Variants in UGT2B7 observed in about 807,000 individuals in gnomAD.
UGT2B7 encodes UDP glucuronosyltransferase family 2 member B7.
Under a neutral mutation model 51.9 loss-of-function variants are expected in UGT2B7, and 51 were observed. That is an observed-to-expected ratio of 0.98 (90% CI 0.78 to 1.24). The LOEUF is 1.24. UGT2B7 is among the 50% of genes most tolerant of loss of function. The probability of loss-of-function intolerance (pLI) is 0.00; values close to 1 mark genes in which losing one functional copy is unlikely to be tolerated. For missense variants in UGT2B7, 727 were observed against 628.4 expected, an observed-to-expected ratio of 1.16 and a Z score of -1.68; for synonymous variants, 225 against 211.6, an observed-to-expected ratio of 1.06 and a Z score of -0.55.
chr4:69,106,075 T>C (rs906639103), intron 3 of UGT2B7, among the ~76,000 whole-genome samples: 3 of 152,160 alleles, frequency 2.0e-5, no homozygotes, highest in Admixed American at 6.6e-5. Flanking sequence ...AGAATATTTT[T>C]AATTTTAAAA....
At chr4:69,110,195 G>A (rs1396211661) in intron 5 of UGT2B7, among the ~76,000 whole-genome samples, 2 of 151,972 alleles carry the variant, frequency 1.3e-5, no homozygotes, top group Non-Finnish European at 2.9e-5. Flanking sequence ...TCAACTTGAA[G>A]ACACATTTTC....
intron 1 of UGT2B7, among the ~76,000 whole-genome samples, chr4:69,054,648 A>G (rs1010140539): frequency 9.9e-5 from 15 of 152,004 alleles, no homozygotes; most frequent in Non-Finnish European, 1.9e-4. Flanking sequence ...ATCCTTAACC[A>G]TCAGTAGACT....
At chr4:69,102,194 A>C (rs948887303) in intron 2 of UGT2B7, among the ~76,000 whole-genome samples, 1 of 151,920 alleles carries the variant, frequency 6.6e-6, no homozygotes, top group African/African-American at 2.4e-5. Context: ...TATTTATTTT[A>C]TTTTTTTTAG....
In UGT2B7 at chr4:69,096,510, A is replaced by T; in HGVS notation, c.-11A>T. 1 of 1,613,574 alleles carries T rather than the reference A, an allele frequency of 6.2e-7. No homozygotes were observed. Among genetic ancestry groups the T allele is most frequent in the Non-Finnish European group, 8.5e-7 (1 of 1,179,718 alleles). ...ACAGCAACTGGAAAACAAGCATTGC[A>T]TTGCACCAGGATGTCTGTGAAATGG... On this transcript the variant is annotated 5_prime_UTR_variant, in exon 1 of 6. Transcript: ENST00000305231.
chr4:69,064,078 AAGAAAGAAAGAAAGAAAG>A (rs1560499690), intron 1 of UGT2B7, among the ~76,000 whole-genome samples: 3 of 106,058 alleles, frequency 2.8e-5, no homozygotes, highest in Non-Finnish European at 5.3e-5. Context: ...GAAAGAAAGA[AAGAAAGAAAGAAAGAAAG>A]AGAAAGAAAG....
intron 1 of UGT2B7, among the ~76,000 whole-genome samples, chr4:69,079,944 G>T (rs1346723512): frequency 6.6e-6 from 1 of 151,444 alleles, no homozygotes; most frequent in Non-Finnish European, 1.5e-5. Flanking sequence ...AATATTTATT[G>T]TCAAATATTT....
chr4:69,105,826 A>T (rs1466800445), intron 3 of UGT2B7, among the ~76,000 whole-genome samples: 1 of 152,152 alleles, frequency 6.6e-6, no homozygotes, highest in Admixed American at 6.6e-5. Context: ...TTATTTATGG[A>T]CTTGTTATTT....
At chr4:69,069,090 G>T (rs7439419) in intron 1 of UGT2B7, among the ~76,000 whole-genome samples, 64,536 of 149,596 alleles carry the variant, frequency 0.43, 15,375 homozygotes, top group African/African-American at 0.64. Context: ...AAAAAACTTG[G>T]AACAGATACT....
intron 1 of UGT2B7, among the ~76,000 whole-genome samples, chr4:69,075,244 A>G (rs575425751): frequency 1.3e-5 from 2 of 152,122 alleles, no homozygotes; most frequent in African/African-American, 4.8e-5. Flanking sequence ...CTCCCCTTGA[A>G]ATGTGGCAAG....
chr4:69,111,119 A>C (rs1719759404), intron 5 of UGT2B7, among the ~76,000 whole-genome samples: 1 of 152,108 alleles, frequency 6.6e-6, no homozygotes, highest in Non-Finnish European at 1.5e-5. Flanking sequence ...GAGGGGAAAA[A>C]AATGTGTAAG....
chr4:69,076,986 G>GT (rs1718721118), intron 1 of UGT2B7, among the ~76,000 whole-genome samples: 1 of 152,088 alleles, frequency 6.6e-6, no homozygotes, highest in Non-Finnish European at 1.5e-5. Context: ...TTCCAGTTCA[G>GT]TTTTCTGCAT....
intron 1 of UGT2B7, among the ~76,000 whole-genome samples, chr4:69,087,403 T>C (rs28754965): frequency 0.033 from 5,018 of 152,070 alleles, 114 homozygotes; most frequent in Middle Eastern, 0.11. Flanking sequence ...ATCTCTTAAT[T>C]GTAGTTATGA....
chr4:69,082,473 A>G (rs1718861616), intron 1 of UGT2B7, among the ~76,000 whole-genome samples: 1 of 152,064 alleles, frequency 6.6e-6, no homozygotes, highest in Non-Finnish European at 1.5e-5. Flanking sequence ...CCCAAATGGT[A>G]AAAAAGTAAA....
intron 1 of UGT2B7, among the ~76,000 whole-genome samples, chr4:69,074,445 T>TATATATATAA (rs761833298): frequency 2.5e-4 from 27 of 106,536 alleles, no homozygotes; most frequent in East Asian, 4.3e-4. Context: ...TATATATATA[T>TATATATATAA]AAATTAAAAA....
chr4:69,058,855 G>T (rs765017693), intron 1 of UGT2B7, among the ~76,000 whole-genome samples: 2 of 152,050 alleles, frequency 1.3e-5, no homozygotes, highest in African/African-American at 4.8e-5. Context: ...GCAAGGTGGC[G>T]TGATGTGGGC....
chr4:69,072,711 C>T (rs1394077120), intron 1 of UGT2B7, among the ~76,000 whole-genome samples: 2 of 152,068 alleles, frequency 1.3e-5, no homozygotes, highest in East Asian at 1.9e-4. Flanking sequence ...CATCTACCAC[C>T]TCACAACCAC....
rs771987274 is a variant in UGT2B7, at chr4:69,108,148, G to T, written c.1136G>T (p.Gly379Val). ...TTTATAACTCATGGTGGAGCCAATG[G>T]CATCTACGAGGCAATCTACCATGGG... ...RAFITHGGAN[G>V]IYEAIYHGIP... The change falls in exon 5 of 6, where the codon GGC becomes GTC. Residue 379 changes from glycine (G) to valine (V), a missense_variant. By Grantham distance (109) the Gly-to-Val change is moderately radical. Transcript: ENST00000305231. 1 of 1,613,460 alleles carries T rather than the reference G, an allele frequency of 6.2e-7. No homozygotes were observed. The highest frequency in any genetic ancestry group is 1.3e-5 in the African/African-American group (1 of 74,848).
chr4:69,109,027 C>T (rs1338833024), intron 5 of UGT2B7, among the ~76,000 whole-genome samples: 1 of 151,138 alleles, frequency 6.6e-6, no homozygotes, highest in Non-Finnish European at 1.5e-5. Context: ...TTCACCTAGG[C>T]TAATTTTTTG....
intron 2 of UGT2B7, 49 bp from the exon 3 acceptor site, chr4:69,102,757 GC>G: frequency 6.3e-7 from 1 of 1,584,542 alleles, no homozygotes; most frequent in Non-Finnish European, 8.5e-7. Flanking sequence ...TTTTGGTAGT[GC>G]CCGCTGTGCT....
Sources: gnomAD v4.1 joint callset for allele counts (sites outside exome capture counted in the v4.1 genomes callset) on GRCh38, gnomAD v4.1.1 for gene constraint, MANE v1.5 for transcripts, NCBI Gene and HGNC (gene_info 2026-07-23, HGNC 2026-07-21) for gene names.